Variants in RFTN1 observed in about 807,000 individuals in gnomAD.
RFTN1 encodes the protein raftlin, lipid raft linker 1.
RFTN1 carries 26 observed loss-of-function variants against 46.5 expected under a neutral mutation model. The observed-to-expected ratio is 0.56, with a 90% CI of 0.41 to 0.78. RFTN1 has a LOEUF of 0.78. Ranked by LOEUF, RFTN1 falls within the 30% of genes least tolerant of loss-of-function variation. RFTN1 has a pLI of 0.00. For missense variants in RFTN1, 693 were observed against 718.7 expected, an observed-to-expected ratio of 0.96 and a Z score of 0.41; for synonymous variants, 261 against 284.2, an observed-to-expected ratio of 0.92 and a Z score of 0.82.
chr3:16,367,050 C>T (rs1233163659), intron 6 of RFTN1, among the ~76,000 whole-genome samples: 3 of 152,224 alleles, frequency 2.0e-5, no homozygotes, highest in Non-Finnish European at 4.4e-5. Context: ...CTGGAGTCTG[C>T]ACTGGGTAAT....
chr3:16,418,250 T>C lies in RFTN1; in HGVS notation c.333-8767A>G, dbSNP rs952472114. Among the ~76,000 whole-genome samples, 5 of 152,276 alleles carry C rather than the reference T, an allele frequency of 3.3e-5. No individual in the cohort carries two copies. In the South Asian group the frequency reaches 8.3e-4, roughly 25 times the overall value. On this transcript the variant is annotated intron_variant, in intron 3 of 9. Transcript: ENST00000334133. This position sits in a 1 kb window ranked among gnomAD's most constrained non-coding sequence, Gnocchi z 5.0. ...CTAAAATGAGGCCACTAAAAAACAATTGCCTGTCGAAAAACTATTATAAAC... is the reference window on the plus strand; with the variant it reads ...CTAAAATGAGGCCACTAAAAAACAACTGCCTGTCGAAAAACTATTATAAAC...
In RFTN1 at chr3:16,386,637, A is replaced by G. The variant is rs139618717; in HGVS notation, c.442-8535T>C. Among the ~76,000 whole-genome samples the G allele has an allele frequency of 6.6e-5, 10 of 152,346 alleles. No homozygotes were observed. The East Asian group carries it at 1.9e-3, about 29-fold the overall frequency. On this transcript the variant is annotated intron_variant, in intron 4 of 9. Coordinates refer to ENST00000334133, the MANE Select transcript of RFTN1 (RefSeq NM_015150.2). ...AGATTGCAGAGTCTTGCATCTTTAG[A>G]GTCTGGACTTTTTATTCTGAAGGCA...
chr3:16,482,454 G>A (rs1472810785), intron 2 of RFTN1, among the ~76,000 whole-genome samples: 3 of 152,026 alleles, frequency 2.0e-5, no homozygotes, highest in Non-Finnish European at 2.9e-5. Flanking sequence ...TCAAAGCTGG[G>A]GTCCTTGAAT....
intron 6 of RFTN1, among the ~76,000 whole-genome samples, chr3:16,363,173 C>T (rs2072936327): frequency 6.6e-6 from 1 of 152,208 alleles, no homozygotes; most frequent in Admixed American, 6.5e-5. Context: ...AGAGAGCAGA[C>T]AGCTGGGCTT....
At chr3:16,432,977 C>T (rs2075423323) in intron 3 of RFTN1, among the ~76,000 whole-genome samples, 1 of 152,174 alleles carries the variant, frequency 6.6e-6, no homozygotes, top group Admixed American at 6.5e-5. Flanking sequence ...GCTTTGTCTA[C>T]CTGCAAAGTG....
chr3:16,374,898 C>T lies in RFTN1; in HGVS notation c.826+2820G>A, dbSNP rs9850367. 0.18 allele frequency among the ~76,000 whole-genome samples: 28,102 copies of T among 152,114 alleles called. 2,973 individuals carry two copies. The highest frequency in any genetic ancestry group is 0.28 in the Admixed American group (4,224 of 15,282). ...GGGGCAAGGAGGCGTGACGGCTGCA[C>T]CGAGCCCGCAGAGATGGGGAGGGAC... On this transcript the variant is annotated intron_variant, in intron 5 of 9. Transcript: ENST00000334133. The surrounding 1 kb of genome is among the most constrained non-coding windows in gnomAD (Gnocchi z 5.4).
chr3:16,434,285 A>G (rs2075453503), intron 2 of RFTN1, among the ~76,000 whole-genome samples: 1 of 152,158 alleles, frequency 6.6e-6, no homozygotes, highest in Non-Finnish European at 1.5e-5. Flanking sequence ...GCACTCTGAG[A>G]GGCCGAGGCA....
In RFTN1 at chr3:16,400,748, C is replaced by A. The variant is rs2125421577; in HGVS notation, c.441+8627G>T. On this transcript the variant is annotated intron_variant, in intron 4 of 9. Transcript: ENST00000334133. The surrounding 1 kb of genome is among the most constrained non-coding windows in gnomAD (Gnocchi z 4.5). ...ACCTCTCTGGACAGAACAGGAAGAT[C>A]ACAGGCTAATAAAAATAGCAAGAGG... 6.6e-6 allele frequency among the ~76,000 whole-genome samples: 1 copy of A among 152,260 alleles called. No homozygotes were observed. Among genetic ancestry groups the A allele is most frequent in the South Asian group, 2.1e-4 (1 of 4,814 alleles).
chr3:16,476,061 G>C (rs1053879643), intron 2 of RFTN1, among the ~76,000 whole-genome samples: 1 of 152,226 alleles, frequency 6.6e-6, no homozygotes, highest in African/African-American at 2.4e-5. Flanking sequence ...AATCTGAAGG[G>C]TTGGACTGTG....
chr3:16,404,812 G>A (rs2074812773), intron 4 of RFTN1, among the ~76,000 whole-genome samples: 1 of 151,964 alleles, frequency 6.6e-6, no homozygotes, highest in Non-Finnish European at 1.5e-5. Context: ...GAAGCCCCTT[G>A]GCTGCCCACT....
chr3:16,461,913 C>T (rs1227531554), intron 2 of RFTN1, among the ~76,000 whole-genome samples: 1 of 152,158 alleles, frequency 6.6e-6, no homozygotes, highest in East Asian at 1.9e-4. Flanking sequence ...ATTTGTTATA[C>T]TCTTAATAAT....
intron 8 of RFTN1, among the ~76,000 whole-genome samples, chr3:16,326,316 G>A (rs906200261): frequency 2.0e-5 from 3 of 152,206 alleles, no homozygotes; most frequent in East Asian, 1.9e-4. Context: ...TCTTGGCCAA[G>A]TCCCTCAACC....
At chr3:16,363,261 G>A (rs896073710) in intron 6 of RFTN1, among the ~76,000 whole-genome samples, 12 of 151,672 alleles carry the variant, frequency 7.9e-5, no homozygotes, top group African/African-American at 2.9e-4. Context: ...TCACTATAAT[G>A]TGCACTGAAT....
In RFTN1 at chr3:16,443,104, A is replaced by G. The variant is rs1310522553; in HGVS notation, c.146-9067T>C. Among the ~76,000 whole-genome samples, 1 of 152,228 alleles carries G rather than the reference A, an allele frequency of 6.6e-6. No homozygotes were observed. Among genetic ancestry groups the G allele is most frequent in the Non-Finnish European group, 1.5e-5 (1 of 68,032 alleles). On this transcript the variant is annotated intron_variant, in intron 2 of 9. Transcript: ENST00000334133. The surrounding 1 kb of genome is among the most constrained non-coding windows in gnomAD (Gnocchi z 5.5). ...AGAAATACCCAGTAATGGGATTGCT[A>G]GATCATAGGATATTTCTATTTTTAA...
chr3:16,380,802 C>T lies in RFTN1; in HGVS notation c.442-2700G>A, dbSNP rs1191949622. On this transcript the variant is annotated intron_variant, in intron 4 of 9. Coordinates refer to ENST00000334133, the MANE Select transcript of RFTN1 (RefSeq NM_015150.2). The surrounding 1 kb of genome is among the most constrained non-coding windows in gnomAD (Gnocchi z 4.8). ...GCTGGGGTAGTTTGCACTGCTGCAT[C>T]CCCAGTAATAGAATGATGTCTGACA... Among the ~76,000 whole-genome samples the T allele has an allele frequency of 6.6e-6, 1 of 152,168 alleles. No homozygotes were observed.
intron 7 of RFTN1, among the ~76,000 whole-genome samples, chr3:16,328,845 A>G (rs1401542610): frequency 6.6e-6 from 1 of 152,238 alleles, no homozygotes; most frequent in Non-Finnish European, 1.5e-5. Flanking sequence ...TGTGGCCAGA[A>G]TCTATCAGCT....
intron 3 of RFTN1, among the ~76,000 whole-genome samples, chr3:16,412,387 T>C (rs191309685): frequency 2.0e-5 from 3 of 152,332 alleles, no homozygotes; most frequent in Admixed American, 2.0e-4. Flanking sequence ...GGTGCAGCTA[T>C]GGCCTCACAG....
chr3:16,345,811 TGTGTGTGC>T lies in RFTN1; in HGVS notation c.1146+12113_1146+12120del, dbSNP rs1257184122. Reference sequence around the variant, plus strand: ...CTCTGTGTGTGTGTGTGTGTGTGTGTGTGTGTGCGCGCGCGCGTGCGCGCACGCGCACA... The same window carrying T: ...CTCTGTGTGTGTGTGTGTGTGTGTGTGCGCGCGCGTGCGCGCACGCGCACA... On this transcript the variant is annotated intron_variant, in intron 7 of 9. Transcript: ENST00000334133. The surrounding 1 kb of genome is among the most constrained non-coding windows in gnomAD (Gnocchi z 5.2). Among the ~76,000 whole-genome samples, 1 of 85,712 alleles carries T rather than the reference TGTGTGTGC, an allele frequency of 1.2e-5. No individual in the cohort carries two copies. Among genetic ancestry groups the T allele is most frequent in the Non-Finnish European group, 2.2e-5 (1 of 45,072 alleles). 56.2% of individuals were successfully genotyped at this position (85,712 alleles called of 152,430 possible). A position where few individuals can be genotyped will look rare whatever the true frequency, so the allele number is the denominator to read the frequency against.
At chr3:16,331,688 T>G (rs752004653) in intron 7 of RFTN1, among the ~76,000 whole-genome samples, 2 of 152,240 alleles carry the variant, frequency 1.3e-5, no homozygotes, top group Admixed American at 6.5e-5. Context: ...TTCTGAAACT[T>G]TGCTCTAATC....
Sources: gnomAD v4.1 joint callset for allele counts (sites outside exome capture counted in the v4.1 genomes callset) on GRCh38, gnomAD v4.1.1 for gene constraint, Gnocchi (gnomAD v3.1) non-coding constraint, MANE v1.5 for transcripts, NCBI Gene and HGNC (gene_info 2026-07-23, HGNC 2026-07-21) for gene names.